The following KSR1 variants were observed in gnomAD, a reference collection of about 807,000 sequenced individuals.
The protein encoded by KSR1 is kinase suppressor of ras.
A neutral mutation model predicts 92.9 loss-of-function variants in KSR1; 35 were observed. The observed-to-expected ratio is 0.38, with a 90% CI of 0.29 to 0.50. The LOEUF (loss-of-function observed/expected upper bound fraction) is 0.50, where lower values mean the gene tolerates loss of function less well. KSR1 is among the 20% of genes least tolerant of loss of function. The pLI is 0.94. For missense variants in KSR1, 972 were observed against 1,158.5 expected, an observed-to-expected ratio of 0.84 and a Z score of 2.34; for synonymous variants, 467 against 472.6, an observed-to-expected ratio of 0.99 and a Z score of 0.15.
intron 2 of KSR1, among the ~76,000 whole-genome samples, chr17:27,574,821 T>A (rs141067609): frequency 1.1e-4 from 17 of 152,380 alleles, no homozygotes; most frequent in African/African-American, 4.1e-4. Context: ...TGATGTGGAA[T>A]GTCTGGCCTT....
chr17:27,494,781 GCTT>G (rs2068931185), intron 1 of KSR1, among the ~76,000 whole-genome samples: 1 of 152,240 alleles, frequency 6.6e-6, no homozygotes, highest in African/African-American at 2.4e-5. Flanking sequence ...GAGAATGAAA[GCTT>G]CTCTGAGAGT....
chr17:27,530,452 A>G (rs1171079412), intron 1 of KSR1, among the ~76,000 whole-genome samples: 1 of 151,668 alleles, frequency 6.6e-6, no homozygotes, highest in Admixed American at 6.6e-5. Context: ...CTCAAAAGAA[A>G]AAAAAAAGAC....
chr17:27,494,421 C>T (rs908069353), intron 1 of KSR1, among the ~76,000 whole-genome samples: 1 of 152,074 alleles, frequency 6.6e-6, no homozygotes, highest in African/African-American at 2.4e-5. Context: ...GGAAGCTTGC[C>T]TCTGAGTGAG....
At chr17:27,563,036 A>G (rs908651440) in intron 2 of KSR1, among the ~76,000 whole-genome samples, 1 of 152,122 alleles carries the variant, frequency 6.6e-6, no homozygotes, top group Non-Finnish European at 1.5e-5. Flanking sequence ...CAGCTAGCAA[A>G]TCCTACTGGC....
chr17:27,561,471 T>C (rs1443502726), intron 2 of KSR1, among the ~76,000 whole-genome samples: 1 of 152,244 alleles, frequency 6.6e-6, no homozygotes, highest in Non-Finnish European at 1.5e-5. Flanking sequence ...CCTGGATGCT[T>C]ACAGCTAGTG....
chr17:27,552,576 A>T (rs1038583333), intron 2 of KSR1, among the ~76,000 whole-genome samples: 2 of 152,164 alleles, frequency 1.3e-5, no homozygotes, highest in African/African-American at 4.8e-5. Context: ...AGTCACCTCC[A>T]TGAGTCACCT....
In KSR1 at chr17:27,511,697, A is replaced by G. The variant is rs187158264; in HGVS notation, c.232-38871A>G. Among the ~76,000 whole-genome samples, 961 of 152,274 alleles carry G rather than the reference A, an allele frequency of 6.3e-3. 6 individuals carry two copies. Among genetic ancestry groups the G allele is most frequent in the Non-Finnish European group, 9.9e-3 (670 of 68,008 alleles). On this transcript the variant is annotated intron_variant, in intron 1 of 20. Coordinates refer to ENST00000644974, the MANE Select transcript of KSR1 (RefSeq NM_001394583.1). ...AGAGGCAGCTTGGTCAGCTTAGGAA[A>G]TGGAGGTTCCTGAGGCAAACCTTTT...
At chr17:27,468,800 G>A (rs551097990) in intron 1 of KSR1, among the ~76,000 whole-genome samples, 33 of 152,262 alleles carry the variant, frequency 2.2e-4, no homozygotes, top group African/African-American at 7.2e-4. Flanking sequence ...TGAGTCCCCC[G>A]CCGCACCTGA....
Position 27,592,402 on chromosome 17 carries a change from G to A in KSR1, c.1172G>A (p.Cys391Tyr), listed in dbSNP as rs374585880. Reference sequence around the variant, plus strand: ...AAATGTACCAAAGAAGCCCCTGCCTGTAGAATATCCTTCCTGCCACGTGAG... The same window carrying A: ...AAATGTACCAAAGAAGCCCCTGCCTATAGAATATCCTTCCTGCCACGTGAG... ...HNKCTKEAPA[C>Y]RISFLPLTRL... The change falls in exon 8 of 21, where the codon TGT becomes TAT. Residue 391 changes from cysteine (C) to tyrosine (Y), a missense_variant. Transcript: ENST00000644974. The A allele has an allele frequency of 6.2e-7, 1 of 1,613,850 alleles. No homozygotes were observed. The highest frequency in any genetic ancestry group is 1.3e-5 in the African/African-American group (1 of 74,920).
Position 27,617,386 on chromosome 17 carries a change from A to G in KSR1, c.2585A>G (p.Asn862Ser). ...MDMLEKLPKL[N>S]RRLSHPGHFW... ...ATGCTGGAGAAACTTCCCAAGCTGA[A>G]CCGGCGGCTCTCCCACCCTGGACAC... The change falls in exon 19 of 21, where the codon AAC becomes AGC. Residue 862 changes from asparagine to serine, a missense_variant. Asn to Ser is a conservative substitution (Grantham distance 46). Coordinates refer to ENST00000644974, the MANE Select transcript of KSR1 (RefSeq NM_001394583.1). 3 of 1,612,914 alleles carry G rather than the reference A, an allele frequency of 1.9e-6. No individual in the cohort carries two copies. Among genetic ancestry groups the G allele is most frequent in the Non-Finnish European group, 2.5e-6 (3 of 1,179,276 alleles).
chr17:27,608,490 T>C (rs921552148), intron 15 of KSR1, among the ~76,000 whole-genome samples: 7 of 152,166 alleles, frequency 4.6e-5, no homozygotes, highest in African/African-American at 1.7e-4. Context: ...CTATGTCAGG[T>C]CACCCACGCT....
At chr17:27,560,287 C>T in intron 2 of KSR1, 1 of 387,416 alleles carries the variant, frequency 2.6e-6, no homozygotes, top group Non-Finnish European at 5.1e-6. Flanking sequence ...TTTTCTTTAG[C>T]AATTTCCCGG....
At chr17:27,568,030 T>G (rs1407447086) in intron 2 of KSR1, among the ~76,000 whole-genome samples, 7 of 152,222 alleles carry the variant, frequency 4.6e-5, no homozygotes, top group Admixed American at 2.0e-4. Context: ...CAGCTTCTCC[T>G]CGGCCATCTG....
At chr17:27,562,108 A>G (rs2071854412) in intron 2 of KSR1, among the ~76,000 whole-genome samples, 1 of 152,136 alleles carries the variant, frequency 6.6e-6, no homozygotes, top group Non-Finnish European at 1.5e-5. Flanking sequence ...GGCCTCCCAA[A>G]GTGCTGGGAT....
intron 2 of KSR1, among the ~76,000 whole-genome samples, chr17:27,563,981 CTTTTT>C (rs200904358): frequency 2.4e-3 from 111 of 46,880 alleles, no homozygotes; most frequent in African/African-American, 9.6e-3. Context: ...TATTCGGTAG[CTTTTT>C]TTTTTTTTTT....
At chr17:27,458,136 T>A (rs2019267679) in intron 1 of KSR1, among the ~76,000 whole-genome samples, 1 of 152,158 alleles carries the variant, frequency 6.6e-6, no homozygotes, top group Non-Finnish European at 1.5e-5. Flanking sequence ...TTATTTTTTA[T>A]TACAGTTGGC....
At chr17:27,512,645 C>T (rs1018657230) in intron 1 of KSR1, among the ~76,000 whole-genome samples, 2 of 152,176 alleles carry the variant, frequency 1.3e-5, no homozygotes, top group Non-Finnish European at 2.9e-5. Flanking sequence ...ATTGCTTGAA[C>T]CTGGGAGGCG....
chr17:27,617,033 T>C (rs538308031), intron 18 of KSR1, among the ~76,000 whole-genome samples: 1 of 152,310 alleles, frequency 6.6e-6, no homozygotes, highest in African/African-American at 2.4e-5. Flanking sequence ...GTGTTCATCA[T>C]GGTTACTCTT....
At chr17:27,539,459 T>G (rs531607700) in intron 1 of KSR1, among the ~76,000 whole-genome samples, 1 of 152,334 alleles carries the variant, frequency 6.6e-6, no homozygotes, top group African/African-American at 2.4e-5. Flanking sequence ...TGCTTTGCCT[T>G]TCCTAGCCCT....
Sources: allele counts gnomAD v4.1 joint callset (sites outside exome capture counted in the v4.1 genomes callset), GRCh38; gene constraint gnomAD v4.1.1; transcripts MANE v1.5; gene names NCBI Gene and HGNC (gene_info 2026-07-23, HGNC 2026-07-21).